Variants in HS2ST1 observed in about 807,000 individuals in gnomAD.
The protein encoded by HS2ST1 is 2-O-sulfotransferase.
HS2ST1 carries 18 observed loss-of-function variants against 42.9 expected under a neutral mutation model. That is an observed-to-expected ratio of 0.42 (90% CI 0.29 to 0.62). The LOEUF is 0.62. HS2ST1 is among the 20% of genes least tolerant of loss of function. The pLI is 0.21. For missense variants in HS2ST1, 334 were observed against 433.8 expected (o/e 0.77, Z 2.04); for synonymous variants, 146 against 152.9 (o/e 0.95, Z 0.33).
At chr1:87,062,614 A>G (rs1240510256) in intron 1 of HS2ST1, among the ~76,000 whole-genome samples, 2 of 152,078 alleles carry the variant, frequency 1.3e-5, no homozygotes, top group African/African-American at 2.4e-5. Context: ...GTATTTACAC[A>G]TATTTTTACT....
At chr1:86,946,798 C>T (rs1647354998) in intron 1 of HS2ST1, among the ~76,000 whole-genome samples, 1 of 152,180 alleles carries the variant, frequency 6.6e-6, no homozygotes, top group Admixed American at 6.5e-5. Context: ...ATCCTTTCCA[C>T]TGTTCACTAA....
intron 1 of HS2ST1, among the ~76,000 whole-genome samples, chr1:86,987,303 C>G (rs907680776): frequency 6.6e-6 from 1 of 151,872 alleles, no homozygotes; most frequent in Admixed American, 6.6e-5. Context: ...CTCGAACTCC[C>G]GACTTCGTGA....
intron 1 of HS2ST1, among the ~76,000 whole-genome samples, chr1:86,983,674 A>G (rs1411504737): frequency 6.6e-6 from 1 of 152,112 alleles, no homozygotes; most frequent in East Asian, 1.9e-4. Flanking sequence ...ACAATACGGT[A>G]TATTGCCTAG....
chr1:87,036,989 GTTAAA>G (rs1174891093), intron 1 of HS2ST1, among the ~76,000 whole-genome samples: 3 of 152,054 alleles, frequency 2.0e-5, no homozygotes, highest in Non-Finnish European at 4.4e-5. Flanking sequence ...AATAGTATTT[GTTAAA>G]TTAAACCTTA....
At chr1:86,998,686 A>C (rs576214833) in intron 1 of HS2ST1, among the ~76,000 whole-genome samples, 1 of 152,316 alleles carries the variant, frequency 6.6e-6, no homozygotes, top group South Asian at 2.1e-4. Flanking sequence ...AGTACCTTTA[A>C]ATCAGAATTT....
At chr1:86,942,573 AT>A (rs1331713936) in intron 1 of HS2ST1, among the ~76,000 whole-genome samples, 1 of 152,116 alleles carries the variant, frequency 6.6e-6, no homozygotes, top group Non-Finnish European at 1.5e-5. Flanking sequence ...TAATGAAAAT[AT>A]TTTGTATTAT....
chr1:86,974,416 A>G (rs1040896055), intron 1 of HS2ST1, among the ~76,000 whole-genome samples: 1 of 152,216 alleles, frequency 6.6e-6, no homozygotes, highest in Non-Finnish European at 1.5e-5. Context: ...CATCTCTTCC[A>G]TTTGGCTGTT....
At position 87,086,969 on chromosome 1, in the gene HS2ST1, G is replaced by A. The variant is rs1651831271; in HGVS notation, c.449+2690G>A. Among the ~76,000 whole-genome samples, 5 of 151,568 alleles carry A rather than the reference G, an allele frequency of 3.3e-5. No homozygotes were observed. In the South Asian group the frequency reaches 1.0e-3, roughly 31 times the overall value. On this transcript the variant is annotated intron_variant, in intron 3 of 6. Coordinates refer to ENST00000370550, the MANE Select transcript of HS2ST1 (RefSeq NM_012262.4). ...TCCAGTTTAAAATTGTATATAGGTT[G>A]GACATTTTCAAAATGTCATAGTATG...
At chr1:86,938,687 G>A (rs1478579965) in intron 1 of HS2ST1, among the ~76,000 whole-genome samples, 1 of 152,104 alleles carries the variant, frequency 6.6e-6, no homozygotes, top group Non-Finnish European at 1.5e-5. Flanking sequence ...TTTTCTGTGT[G>A]TCATTCACCG....
chr1:87,019,102 A>G (rs935696365), intron 1 of HS2ST1, among the ~76,000 whole-genome samples: 4 of 152,226 alleles, frequency 2.6e-5, no homozygotes, highest in Non-Finnish European at 5.9e-5. Flanking sequence ...AGATTTATCA[A>G]TCAGCAATGT....
intron 1 of HS2ST1, among the ~76,000 whole-genome samples, chr1:87,033,081 T>C (rs1479724472): frequency 6.6e-6 from 1 of 152,230 alleles, no homozygotes; most frequent in Non-Finnish European, 1.5e-5. Context: ...TTTTAATAAA[T>C]TGTAGAACCT....
chr1:87,103,954 C>T (rs1358215826), intron 6 of HS2ST1, among the ~76,000 whole-genome samples: 1 of 152,090 alleles, frequency 6.6e-6, no homozygotes, highest in Non-Finnish European at 1.5e-5. Flanking sequence ...GCAGCCTCAG[C>T]CGTATTATCA....
At chr1:86,995,055 T>C (rs1357820434) in intron 1 of HS2ST1, among the ~76,000 whole-genome samples, 1 of 152,164 alleles carries the variant, frequency 6.6e-6, no homozygotes, top group South Asian at 2.1e-4. Context: ...CATAAAATTA[T>C]AGGATTTTTT....
chr1:86,966,827 G>A (rs577415742), intron 1 of HS2ST1, among the ~76,000 whole-genome samples: 11 of 151,720 alleles, frequency 7.3e-5, no homozygotes, highest in African/African-American at 1.7e-4. Flanking sequence ...TTAACATTTT[G>A]ACCCATGATA....
At chr1:86,976,435 G>A (rs1304398781) in intron 1 of HS2ST1, among the ~76,000 whole-genome samples, 1 of 151,954 alleles carries the variant, frequency 6.6e-6, no homozygotes, top group Non-Finnish European at 1.5e-5. Context: ...GCTTCCTAAT[G>A]GGATATAAGT....
intron 1 of HS2ST1, among the ~76,000 whole-genome samples, chr1:87,044,708 A>G (rs568054481): frequency 6.6e-6 from 1 of 152,324 alleles, no homozygotes; most frequent in Admixed American, 6.5e-5. Flanking sequence ...TTATGCACAT[A>G]CTTTGTTCAA....
intron 1 of HS2ST1, among the ~76,000 whole-genome samples, chr1:87,052,419 C>T (rs1450886929): frequency 6.6e-6 from 1 of 152,072 alleles, no homozygotes; most frequent in Non-Finnish European, 1.5e-5. Flanking sequence ...TAACATGGTT[C>T]TTGAATTCTT....
intron 1 of HS2ST1, among the ~76,000 whole-genome samples, chr1:86,991,597 T>TG (rs555698240): frequency 7.2e-5 from 11 of 152,220 alleles, no homozygotes; most frequent in Non-Finnish European, 1.6e-4. Context: ...GGAGGCAGCT[T>TG]CAGGCTATGC....
intron 3 of HS2ST1, among the ~76,000 whole-genome samples, chr1:87,089,799 C>G (rs1651897162): frequency 6.6e-6 from 1 of 152,008 alleles, no homozygotes; most frequent in African/African-American, 2.4e-5. Flanking sequence ...CCATTCCACA[C>G]ATAGATAGTC....
Sources: gnomAD v4.1 joint callset for allele counts (sites outside exome capture counted in the v4.1 genomes callset) on GRCh38, gnomAD v4.1.1 for gene constraint, MANE v1.5 for transcripts, NCBI Gene and HGNC (gene_info 2026-07-23, HGNC 2026-07-21) for gene names.